The following PHC3 variants were observed in gnomAD, a reference collection of about 807,000 sequenced individuals.
The protein encoded by PHC3 is polyhomeotic-like protein 3.
Under a neutral mutation model 107.4 loss-of-function variants are expected in PHC3, and 13 were observed. The observed-to-expected ratio is 0.12, with a 90% CI of 0.08 to 0.19. The LOEUF is 0.19. Ranked by LOEUF, PHC3 falls within the 10% of genes least tolerant of loss-of-function variation. The pLI is 1.00. For missense variants in PHC3, 992 were observed against 1,210.9 expected, an observed-to-expected ratio of 0.82 and a Z score of 2.68; for synonymous variants, 456 against 427.4, an observed-to-expected ratio of 1.07 and a Z score of -0.83.
chr3:170,158,177 T>C (rs1269219188), intron 4 of PHC3, among the ~76,000 whole-genome samples: 1 of 151,724 alleles, frequency 6.6e-6, no homozygotes, highest in Non-Finnish European at 1.5e-5. Flanking sequence ...TCTTCAAACG[T>C]CATGAAAGAA....
chr3:170,103,779 C>T (rs956893019), intron 12 of PHC3, among the ~76,000 whole-genome samples: 4 of 152,220 alleles, frequency 2.6e-5, no homozygotes, highest in African/African-American at 9.6e-5. Context: ...GAGCCAGGCC[C>T]AGTGGCTCAC....
intron 2 of PHC3, among the ~76,000 whole-genome samples, chr3:170,178,346 T>C (rs1214910054): frequency 6.6e-6 from 1 of 150,972 alleles, no homozygotes; most frequent in Non-Finnish European, 1.5e-5. Flanking sequence ...GGTTTCACCG[T>C]GGTCTCGATC....
chr3:170,125,457 T>C (rs1193212909), intron 8 of PHC3, among the ~76,000 whole-genome samples: 5 of 152,214 alleles, frequency 3.3e-5, no homozygotes, highest in African/African-American at 4.8e-5. Context: ...GTATAATAGA[T>C]AGTACTTTTC....
intron 8 of PHC3, among the ~76,000 whole-genome samples, chr3:170,123,994 C>T (rs1053547980): frequency 2.5e-4 from 38 of 151,614 alleles, no homozygotes; most frequent in African/African-American, 6.5e-4. Flanking sequence ...ACTACAGGCG[C>T]GTGCCACCAT....
chr3:170,161,873 G>A (rs1459885664), intron 4 of PHC3, among the ~76,000 whole-genome samples: 1 of 152,072 alleles, frequency 6.6e-6, no homozygotes, highest in Non-Finnish European at 1.5e-5. Context: ...CCACTCTTAT[G>A]ACTTCCTTTA....
chr3:170,113,657 C>G, intron 10 of PHC3, 138 bp from the exon 11 acceptor site: 1 of 761,160 alleles, frequency 1.3e-6, no homozygotes, highest in Non-Finnish European at 2.0e-6. Flanking sequence ...TTAGTAAGTG[C>G]CTTATTCCTT....
chr3:170,099,796 T>C (rs1715187461), intron 14 of PHC3, among the ~76,000 whole-genome samples: 1 of 152,158 alleles, frequency 6.6e-6, no homozygotes, highest in South Asian at 2.1e-4. Flanking sequence ...GTCCCAATAC[T>C]GATATTACAA....
intron 4 of PHC3, among the ~76,000 whole-genome samples, chr3:170,169,128 G>C (rs947583592): frequency 6.6e-6 from 1 of 152,006 alleles, no homozygotes; most frequent in African/African-American, 2.4e-5. Context: ...CAATCAGTAG[G>C]TACACAGTTC....
chr3:170,111,999 ATGCTAC>A (rs1418778383), intron 11 of PHC3, among the ~76,000 whole-genome samples: 5 of 152,182 alleles, frequency 3.3e-5, no homozygotes, highest in Non-Finnish European at 7.4e-5. Flanking sequence ...ACTATTCTAA[ATGCTAC>A]TGCATTAAAC....
intron 4 of PHC3, among the ~76,000 whole-genome samples, chr3:170,169,441 T>C (rs937213137): frequency 4.6e-5 from 7 of 152,240 alleles, no homozygotes; most frequent in Non-Finnish European, 1.0e-4. Context: ...TAAGTTACCT[T>C]GGGCATTGTA....
At chr3:170,104,219 C>T (rs2108280533) in intron 12 of PHC3, among the ~76,000 whole-genome samples, 1 of 151,376 alleles carries the variant, frequency 6.6e-6, no homozygotes, top group Admixed American at 6.6e-5. Flanking sequence ...ATTTTTTTCC[C>T]AACAAACTAA....
At chr3:170,155,239 C>T (rs1264879362) in intron 4 of PHC3, among the ~76,000 whole-genome samples, 1 of 152,210 alleles carries the variant, frequency 6.6e-6, no homozygotes, top group Non-Finnish European at 1.5e-5. Context: ...TGATCAGAAT[C>T]AATCAGGTAT....
rs1283064549 is a variant in PHC3 at position 170,096,946 on chromosome 3, T to C, written c.*284A>G. The C allele has an allele frequency of 4.2e-6, 1 of 238,634 alleles. No individual in the cohort carries two copies. The highest frequency in any genetic ancestry group is 8.0e-6 in the Non-Finnish European group (1 of 125,474). 14.8% of individuals were successfully genotyped at this position (238,634 alleles called of 1,614,324 possible). ...ATAAACATCACCTTTAAAAAAATTA[T>C]CTAGTATAACACATTTCTTTGAAAA... is the stretch of plus-strand genomic sequence containing the variant. On this transcript the variant is annotated 3_prime_UTR_variant, in exon 15 of 15. Transcript: ENST00000495893.
chr3:170,095,345 C>T lies in PHC3; in HGVS notation c.*1885G>A, dbSNP rs1006610028. The T allele has an allele frequency of 6.6e-5, 10 of 152,092 alleles. 1 individual carries two copies. The allele number at this position is 152,092 out of a possible 1,614,324, so 9.4% of individuals were successfully genotyped here. ...TATTATATTACATATTCTAATCCTA[C>T]ATGTAACTATCAGTAAACATCTTTT... On this transcript the variant is annotated 3_prime_UTR_variant, in exon 15 of 15. Transcript: ENST00000495893.
intron 3 of PHC3, 65 bp from the exon 4 acceptor site, chr3:170,171,515 T>G: frequency 8.8e-7 from 1 of 1,142,710 alleles, no homozygotes. Flanking sequence ...TCTGGTACCA[T>G]GATAACACAA....
chr3:170,105,081 A>T (rs913897889), intron 12 of PHC3, among the ~76,000 whole-genome samples: 4 of 152,234 alleles, frequency 2.6e-5, no homozygotes, highest in Non-Finnish European at 5.9e-5. Flanking sequence ...TCGAAAGGAT[A>T]CTAATGTGAC....
At chr3:170,173,637 C>T (rs1729963060) in intron 2 of PHC3, among the ~76,000 whole-genome samples, 1 of 152,106 alleles carries the variant, frequency 6.6e-6, no homozygotes, top group Admixed American at 6.5e-5. Context: ...ATGTAAACAG[C>T]CACAAGTAAC....
intron 6 of PHC3, among the ~76,000 whole-genome samples, chr3:170,142,257 TTATA>T (rs2108544059): frequency 6.6e-6 from 1 of 152,290 alleles, no homozygotes. Flanking sequence ...TTATTTTATT[TTATA>T]TAATTGAAAC....
chr3:170,103,435 GA>G (rs1182415944), intron 12 of PHC3, among the ~76,000 whole-genome samples: 6 of 152,262 alleles, frequency 3.9e-5, no homozygotes, highest in African/African-American at 1.4e-4. Flanking sequence ...ATCAAAGAAT[GA>G]AAATGTAAAG....
Sources: gnomAD v4.1 joint callset for allele counts (sites outside exome capture counted in the v4.1 genomes callset) on GRCh38, gnomAD v4.1.1 for gene constraint, MANE v1.5 for transcripts, NCBI Gene and HGNC (gene_info 2026-07-23, HGNC 2026-07-21) for gene names.